The following UBA1 variants were observed in gnomAD, a reference collection of about 807,000 sequenced individuals.
UBA1 encodes ubiquitin like modifier activating enzyme 1.
UBA1 carries 4 observed loss-of-function variants against 84.7 expected under a neutral mutation model. The observed-to-expected ratio is 0.05, with a 90% CI of 0.02 to 0.11. The LOEUF (loss-of-function observed/expected upper bound fraction) is 0.11, where lower values mean the gene tolerates loss of function less well. Among genes scored for constraint, UBA1 ranks in the 10% least tolerant of loss-of-function variants. The pLI is 1.00. For missense variants in UBA1, 513 were observed against 902.8 expected, an observed-to-expected ratio of 0.57 and a Z score of 5.53; for synonymous variants, 364 against 362.6, an observed-to-expected ratio of 1.00 and a Z score of -0.04.
intron 23 of UBA1, 132 bp downstream of exon 23, chrX:47,213,313 A>G: frequency 3.0e-6 from 2 of 666,491 alleles, no homozygotes; most frequent in Admixed American, 7.4e-5. Flanking sequence ...ATCCTTTTTC[A>G]CTTATTCATT....
chrX:47,210,225 C>T, intron 18 of UBA1, 102 bp downstream of exon 18: 1 of 952,002 alleles, frequency 1.1e-6, no homozygotes, highest in Non-Finnish European at 1.5e-6. Context: ...TGGCAGGTGC[C>T]CTGAGGCATG....
chrX:47,212,565 C>G (rs1936971469), intron 21 of UBA1, 53 bp downstream of exon 21: 2 of 1,081,454 alleles, frequency 1.8e-6, no homozygotes, highest in South Asian at 3.8e-5. Context: ...CATAGACAGG[C>G]TGGAGAAAAC....
At chrX:47,210,676 G>A (rs781978031) in intron 18 of UBA1, among the ~76,000 whole-genome samples, 166 bp from the exon 19 acceptor site, 6 of 111,706 alleles carry the variant, frequency 5.4e-5, no homozygotes, top group Non-Finnish European at 9.4e-5. Flanking sequence ...GGTTCAACCT[G>A]TGGGACCCTA....
chrX:47,211,029 C>T lies in UBA1; in HGVS notation c.2275-7C>T, dbSNP rs782291288. On this transcript the variant is annotated splice_polypyrimidine_tract_variant and splice_region_variant and intron_variant, in intron 19 of 25. Coordinates refer to ENST00000335972, the MANE Select transcript of UBA1 (RefSeq NM_003334.4). ...TGCTCACCCTTCCCTGCCCTGCCTT[C>T]TCCTAGCCCCTGCATCTGGACTATG... is the stretch of plus-strand genomic sequence containing the variant. The T allele has an allele frequency of 3.6e-5, 44 of 1,209,820 alleles. No individual in the cohort carries two copies. Among genetic ancestry groups the T allele is most frequent in the Non-Finnish European group, 4.6e-5 (41 of 895,150 alleles).
rs1282757421 is a variant in UBA1, at chrX:47,197,184, C to G, written c.1-1619C>G. On this transcript the variant is annotated intron_variant, in intron 1 of 25. Coordinates refer to ENST00000335972, the MANE Select transcript of UBA1 (RefSeq NM_003334.4). ...TGCTGCCTCCCCTCATCTCCCATTCCTTAGCCCTGTGGACTGGGCCCTGAG... is the reference window on the plus strand; with the variant it reads ...TGCTGCCTCCCCTCATCTCCCATTCGTTAGCCCTGTGGACTGGGCCCTGAG... 4 of 753,962 alleles carry G rather than the reference C, an allele frequency of 5.3e-6. No homozygotes were observed. The South Asian group carries it at 2.7e-4, about 51-fold the overall frequency. The allele number at this position is 753,962 out of a possible 1,213,427, so 62.1% of individuals were successfully genotyped here. A position where few individuals can be genotyped will look rare whatever the true frequency, so the allele number is the denominator to read the frequency against.
At chrX:47,190,959 G>A (rs1556784177), upstream of UBA1, 1 of 112,856 alleles carries the variant, frequency 8.9e-6, no homozygotes, top group Non-Finnish European at 1.9e-5. Context: ...GGGTGAGCTG[G>A]AGCACCGTGC....
At chrX:47,198,037 G>T (rs1212627151) in intron 1 of UBA1, 12 of 895,675 alleles carry the variant, frequency 1.3e-5, no homozygotes, top group Non-Finnish European at 1.5e-5. Context: ...TGCAGATGAG[G>T]CTTGGGATGT....
intron 16 of UBA1, chrX:47,206,760 G>A (rs1182996754): frequency 1.5e-5 from 5 of 329,539 alleles, no homozygotes; most frequent in Non-Finnish European, 1.6e-5. Context: ...TTAGATTTAT[G>A]TAGATTTTTC....
intron 5 of UBA1, among the ~76,000 whole-genome samples, chrX:47,200,075 G>A (rs1936349268): frequency 9.0e-6 from 1 of 110,819 alleles, no homozygotes. Context: ...GTGAGCCACC[G>A]CACCCGGCCT....
At chrX:47,201,115 G>A in intron 6 of UBA1, 115 bp downstream of exon 6, 6 of 847,684 alleles carry the variant, frequency 7.1e-6, no homozygotes, top group Middle Eastern at 4.0e-4. Flanking sequence ...CAGGTTTTGG[G>A]TTCTGTGTTT....
intron 1 of UBA1, chrX:47,197,403 T>C (rs1936243003): frequency 1.3e-6 from 1 of 753,763 alleles, no homozygotes; most frequent in Non-Finnish European, 1.6e-6. Flanking sequence ...AGTAGGGAGC[T>C]CTTGTCATTG....
At chrX:47,199,994 C>G (rs183303455) in intron 5 of UBA1, among the ~76,000 whole-genome samples, 1 of 110,079 alleles carries the variant, frequency 9.1e-6, no homozygotes, top group Non-Finnish European at 1.9e-5. Flanking sequence ...ACTGTGTTAG[C>G]CAGGGTGGTC....
At chrX:47,200,367 A>G (rs782142349) in intron 5 of UBA1, among the ~76,000 whole-genome samples, 29 of 112,541 alleles carry the variant, frequency 2.6e-4, no homozygotes, top group African/African-American at 9.4e-4. Context: ...CAGGCCGGAA[A>G]GAGGTGCTCT....
rs1466232811 is a variant in UBA1 at position 47,214,331 on chromosome X, A to G, written c.2843A>G (p.Tyr948Cys). 3.3e-6 allele frequency: 4 copies of G among 1,208,573 alleles called. No individual in the cohort carries two copies. The highest frequency in any genetic ancestry group is 3.5e-5 in the African/African-American group (2 of 56,808). Residue 948 changes from tyrosine (Y) to cysteine (C), a missense_variant, in exon 24 of 26, where the codon TAT becomes TGT. Physicochemically the swap from Tyr to Cys is radical, Grantham distance 194. Around this residue, in one of 6 missense-constraint regions of UBA1, gnomAD observed 151 missense variants for 260.1 expected, o/e 0.58. Transcript: ENST00000335972. ...EPLAAPRHQY[Y>C]NQEWTLWDRF... The stretch of plus-strand genomic sequence containing the variant: ...ACTCCCCTCTTTGTCTTGCAGTACT[A>G]TAACCAAGAGTGGACATTGTGGGAT...
At chrX:47,212,969 T>C (rs1348457975) in intron 22 of UBA1, 21 bp from the exon 23 acceptor site, 12 of 1,209,737 alleles carry the variant, frequency 9.9e-6, no homozygotes, top group Non-Finnish European at 1.3e-5. Context: ...ACCACCTTCT[T>C]TTGTCCCTTC....
At position 47,202,623 on chromosome X, in the gene UBA1, T is replaced by A; in HGVS notation, c.1057-15T>A. 1 of 1,212,152 alleles carries A rather than the reference T, an allele frequency of 8.2e-7. No homozygotes were observed. Among genetic ancestry groups the A allele is most frequent in the Non-Finnish European group, 1.1e-6 (1 of 895,494 alleles). ...GGCCTGACATATCCTCTCTTGGTTC[T>A]TTCTGGCCCACCAGGAGGATGCAGC... On this transcript the variant is annotated splice_polypyrimidine_tract_variant and intron_variant, in intron 10 of 25. Coordinates refer to ENST00000335972, the MANE Select transcript of UBA1 (RefSeq NM_003334.4).
intron 16 of UBA1, chrX:47,209,380 T>G (rs782801451): frequency 2.0e-6 from 1 of 490,522 alleles, no homozygotes; most frequent in South Asian, 2.8e-5. Flanking sequence ...TCTCGAACCC[T>G]TGACCTCAGG....
At chrX:47,212,235 CTG>C (rs1273341594) in intron 20 of UBA1, among the ~76,000 whole-genome samples, 187 bp from the exon 21 acceptor site, 19 of 110,872 alleles carry the variant, frequency 1.7e-4, no homozygotes, top group African/African-American at 6.2e-4. Flanking sequence ...AGCTCTTTCT[CTG>C]TGTTTTTCAG....
At position 47,215,022 on chromosome X, in the gene UBA1, C is replaced by T; in HGVS notation, c.*93C>T. On this transcript the variant is annotated 3_prime_UTR_variant, in exon 26 of 26. Transcript: ENST00000335972. ...CATTTGGCTTCTGGCAGTGGCCCAACTAGCCAAGTCTGGTGTTCCCTCATC... is the reference window on the plus strand; with the variant it reads ...CATTTGGCTTCTGGCAGTGGCCCAATTAGCCAAGTCTGGTGTTCCCTCATC... 1.8e-6 allele frequency: 2 copies of T among 1,141,145 alleles called. No homozygotes were observed. Among genetic ancestry groups the T allele is most frequent in the Non-Finnish European group, 2.4e-6 (2 of 842,781 alleles). 94.0% of individuals were successfully genotyped at this position (1,141,145 alleles called of 1,213,427 possible).
Sources: gnomAD v4.1 joint callset for allele counts (sites outside exome capture counted in the v4.1 genomes callset) on GRCh38, gnomAD v4.1.1 for gene constraint, gnomAD v4.1.1 regional missense constraint, MANE v1.5 for transcripts, NCBI Gene and HGNC (gene_info 2026-07-23, HGNC 2026-07-21) for gene names.